The following RASGRP2 variants were observed in gnomAD, a reference collection of about 807,000 sequenced individuals.
The protein encoded by RASGRP2 is RAS guanyl releasing protein 2.
RASGRP2 carries 44 observed loss-of-function variants against 71.0 expected under a neutral mutation model. That is an observed-to-expected ratio of 0.62 (90% CI 0.49 to 0.80). The LOEUF (loss-of-function observed/expected upper bound fraction) is 0.80. Among genes scored for constraint, RASGRP2 ranks in the 30% least tolerant of loss-of-function variants. The probability of loss-of-function intolerance (pLI) is 0.00; values close to 1 mark genes in which losing one functional copy is unlikely to be tolerated. For missense variants in RASGRP2, 663 were observed against 813.4 expected (o/e 0.82, Z 2.25); for synonymous variants, 350 against 330.7 (o/e 1.06, Z -0.63).
intron 9 of RASGRP2, among the ~76,000 whole-genome samples, chr11:64,736,385 C>T (rs2057938984): frequency 1.3e-5 from 2 of 151,966 alleles, no homozygotes; most frequent in East Asian, 1.9e-4. Context: ...GACCCCAAGA[C>T]CAAGTGTAAA....
At position 64,742,695 on chromosome 11, in the gene RASGRP2, C is replaced by T. The variant is rs151289045; in HGVS notation, c.73+99G>A. The T allele has an allele frequency of 0.016, 23,862 of 1,499,024 alleles. 245 individuals carry two copies. The highest frequency in any genetic ancestry group is 0.019 in the Non-Finnish European group (21,075 of 1,104,222). 92.9% of individuals were successfully genotyped at this position (1,499,024 alleles called of 1,614,324 possible). A position where few individuals can be genotyped will look rare whatever the true frequency, so the allele number is the denominator to read the frequency against. On this transcript the variant is annotated intron_variant, in intron 2 of 16. Coordinates refer to ENST00000394432, the MANE Select transcript of RASGRP2 (RefSeq NM_001098671.2). This position sits in a 1 kb window ranked among gnomAD's most constrained non-coding sequence, Gnocchi z 4.7. ...TGCACGCTGCGGAGCAGGGTGGGTC[C>T]GGGTCAGGGCTGTGCCCTGGACTGT...
chr11:64,730,226 G>T, intron 12 of RASGRP2, 32 bp from the exon 13 acceptor site: 1 of 1,551,320 alleles, frequency 6.4e-7, no homozygotes. Context: ...CTTCAGCTCG[G>T]GCCCTCCCCA....
chr11:64,739,572 G>A lies in RASGRP2; in HGVS notation c.696+64C>T. 1 of 1,612,130 alleles carries A rather than the reference G, an allele frequency of 6.2e-7. No individual in the cohort carries two copies. The stretch of plus-strand genomic sequence containing the variant: ...GAGAGAAGGCAGTGGGTTAGGGGAA[G>A]GGAAGGGTTGGCCTGACTGGCATGT... On this transcript the variant is annotated intron_variant, in intron 7 of 16. Coordinates refer to ENST00000394432, the MANE Select transcript of RASGRP2 (RefSeq NM_001098671.2). The surrounding 1 kb of genome is among the most constrained non-coding windows in gnomAD (Gnocchi z 4.2).
In RASGRP2 at chr11:64,743,078, G is replaced by C. The variant is rs1479040149; in HGVS notation, c.-71-141C>G. 1 of 946,270 alleles carries C rather than the reference G, an allele frequency of 1.1e-6. No homozygotes were observed. Among genetic ancestry groups the C allele is most frequent in the East Asian group, 2.7e-5 (1 of 37,606 alleles). 58.6% of individuals were successfully genotyped at this position (946,270 alleles called of 1,614,324 possible). A position where few individuals can be genotyped will look rare whatever the true frequency, so the allele number is the denominator to read the frequency against. ...CCCGCGGCCACTCCCGGGGTTAAAC[G>C]GTCTGGCCCGGGATGGTGCAACCCG... On this transcript the variant is annotated intron_variant, in intron 1 of 16. Transcript: ENST00000394432. The surrounding 1 kb of genome is among the most constrained non-coding windows in gnomAD (Gnocchi z 4.9).
At chr11:64,744,225 T>G, upstream of RASGRP2, 1 of 985,856 alleles carries the variant, frequency 1.0e-6, no homozygotes, top group Non-Finnish European at 1.2e-6. Flanking sequence ...CCCTCCCATT[T>G]GCGGTGCAGG....
upstream of RASGRP2, chr11:64,744,229 G>T: frequency 1.0e-6 from 1 of 985,842 alleles, no homozygotes; most frequent in Non-Finnish European, 1.2e-6. Context: ...CCCATTTGCG[G>T]TGCAGGGCCC....
chr11:64,729,747 G>C lies in RASGRP2; in HGVS notation c.1591+15C>G. On this transcript the variant is annotated intron_variant, in intron 14 of 16. Coordinates refer to ENST00000394432, the MANE Select transcript of RASGRP2 (RefSeq NM_001098671.2). ...AAAACACTGCCCAGCAGCCCTTCCA[G>C]TCATTCCATCTCACCTCGGCATTTG... 1 of 1,613,682 alleles carries C rather than the reference G, an allele frequency of 6.2e-7. No homozygotes were observed. The highest frequency in any genetic ancestry group is 8.5e-7 in the Non-Finnish European group (1 of 1,179,624).
chr11:64,727,372 G>A lies in RASGRP2; in HGVS notation c.1772-12C>T, dbSNP rs899007544. On this transcript the variant is annotated splice_polypyrimidine_tract_variant and intron_variant, in intron 15 of 16. Transcript: ENST00000394432. ...CTCCTCACGGATCTCTGCTGGGAGG[G>A]GGATTGCTGCAGAACACACTTCCAG... 1 of 1,613,588 alleles carries A rather than the reference G, an allele frequency of 6.2e-7. No homozygotes were observed. Among genetic ancestry groups the A allele is most frequent in the Non-Finnish European group, 8.5e-7 (1 of 1,179,710 alleles).
In RASGRP2 at chr11:64,740,063, G is replaced by C; in HGVS notation, c.472C>G (p.Leu158Val). 1 of 1,614,136 alleles carries C rather than the reference G, an allele frequency of 6.2e-7. No homozygotes were observed. Among genetic ancestry groups the C allele is most frequent in the Non-Finnish European group, 8.5e-7 (1 of 1,180,024 alleles). ...TCCAAGTAGGTGAGATGCTCCGCCA[G>C]CTCCATGGGCTCCAGGTGGTCAAAC... is the stretch of plus-strand genomic sequence containing the variant. The part of the protein sequence containing the change: ...LLFDHLEPME[L>V]AEHLTYLEYR... The change falls in exon 6 of 17, where the codon CTG (leucine) becomes GTG (valine). Residue 158 changes from leucine (L) to valine (V), a missense_variant. Physicochemically the swap from Leu to Val is conservative, Grantham distance 32. Transcript: ENST00000394432.
intron 12 of RASGRP2, among the ~76,000 whole-genome samples, chr11:64,732,329 C>A (rs2057788722): frequency 6.6e-6 from 1 of 151,792 alleles, no homozygotes; most frequent in Non-Finnish European, 1.5e-5. Flanking sequence ...TCAAGACCAG[C>A]CTGGCCAACA....
At chr11:64,740,871 T>C in intron 5 of RASGRP2, 77 bp downstream of exon 5, 3 of 1,577,886 alleles carry the variant, frequency 1.9e-6, no homozygotes, top group Non-Finnish European at 2.6e-6. Flanking sequence ...ACTCATTCAG[T>C]TCAACAGACA....
At chr11:64,741,942 T>G in intron 3 of RASGRP2, 68 bp downstream of exon 3, 1 of 1,356,126 alleles carries the variant, frequency 7.4e-7, no homozygotes, top group Non-Finnish European at 1.0e-6. Context: ...ATTCTGCACC[T>G]GGGCTGGGCA....
rs2135716414 is a variant in RASGRP2 at position 64,727,338 on chromosome 11, C to A, written c.1794G>T (p.Gln598His). Residue 598 changes from glutamine (Q) to histidine (H), a missense_variant, in exon 16 of 17, where the codon CAG (glutamine) becomes CAT (histidine). Coordinates refer to ENST00000394432, the MANE Select transcript of RASGRP2 (RefSeq NM_001098671.2). Reference protein sequence around the residue: ...RPPEIREEEVQTVEDGVFDIH... With the variant: ...RPPEIREEEVHTVEDGVFDIH... ...TGTCAAACACCCCATCCTCCACCGT[C>A]TGTACCTCCTCCTCACGGATCTCTG... The A allele has an allele frequency of 6.2e-7, 1 of 1,613,972 alleles. No homozygotes were observed. Among genetic ancestry groups the A allele is most frequent in the South Asian group, 1.1e-5 (1 of 91,076 alleles).
intron 9 of RASGRP2, 80 bp downstream of exon 9, chr11:64,736,673 G>T: frequency 6.8e-7 from 1 of 1,475,340 alleles, no homozygotes. Context: ...AGAGCCCCAG[G>T]CCACGCCCAC....
At chr11:64,741,732 C>T (rs1393785830) in intron 3 of RASGRP2, among the ~76,000 whole-genome samples, 1 of 152,036 alleles carries the variant, frequency 6.6e-6, no homozygotes, top group Non-Finnish European at 1.5e-5. Flanking sequence ...GAGAGATGCA[C>T]GGGGCGCACC....
chr11:64,730,415 TC>T lies in RASGRP2; in HGVS notation c.1413-222del, dbSNP rs201367308. The stretch of plus-strand genomic sequence containing the variant: ...GGCCAGTCCCTTTCCCTGGGTTCCT[TC>T]TCAGAACAGTGGCCTGTCCTGCCCA... On this transcript the variant is annotated intron_variant, in intron 12 of 16. Coordinates refer to ENST00000394432, the MANE Select transcript of RASGRP2 (RefSeq NM_001098671.2). 0.12 allele frequency among the ~76,000 whole-genome samples: 18,718 copies of T among 152,212 alleles called. 1,466 individuals carry two copies. Among genetic ancestry groups the T allele is most frequent in the East Asian group, 0.32 (1,641 of 5,166 alleles).
chr11:64,741,180 C>T (rs1405944053), intron 4 of RASGRP2, 101 bp from the exon 5 acceptor site: 2 of 1,442,090 alleles, frequency 1.4e-6, no homozygotes, highest in East Asian at 4.9e-5. Flanking sequence ...CAAAAAGACC[C>T]TCAAACTATG....
At chr11:64,730,260 C>A (rs1321273822) in intron 12 of RASGRP2, 66 bp from the exon 13 acceptor site, 24 of 1,543,662 alleles carry the variant, frequency 1.6e-5, no homozygotes, top group Non-Finnish European at 2.1e-5. Context: ...CTGGCCTAAC[C>A]CATCCCACTG....
chr11:64,732,260 G>A (rs1166423424), intron 12 of RASGRP2, among the ~76,000 whole-genome samples: 1 of 152,242 alleles, frequency 6.6e-6, no homozygotes, highest in Non-Finnish European at 1.5e-5. Context: ...GCTCATGCCT[G>A]TAATCCCAGC....
Sources: gnomAD v4.1 joint callset for allele counts (sites outside exome capture counted in the v4.1 genomes callset) on GRCh38, gnomAD v4.1.1 for gene constraint, Gnocchi (gnomAD v3.1) non-coding constraint, MANE v1.5 for transcripts, NCBI Gene and HGNC (gene_info 2026-07-23, HGNC 2026-07-21) for gene names.